The following NEXMIF variants were observed in gnomAD, a reference collection of about 807,000 sequenced individuals.
NEXMIF encodes the protein XLMR protein related to neurite extension.
Under a neutral mutation model 62.1 loss-of-function variants are expected in NEXMIF, and 8 were observed. The ratio of observed to expected loss-of-function variants is 0.13; its 90% CI spans 0.08 to 0.23. The LOEUF (loss-of-function observed/expected upper bound fraction) is 0.23. NEXMIF is among the 10% of genes least tolerant of loss of function. The pLI, the probability that NEXMIF is intolerant of heterozygous loss-of-function variation, is 1.00. For synonymous variants in NEXMIF, 404 were observed against 416.6 expected, an observed-to-expected ratio of 0.97 and a Z score of 0.37; for missense variants, 976 against 1,113.3, an observed-to-expected ratio of 0.88 and a Z score of 1.75.
intron 1 of NEXMIF, among the ~76,000 whole-genome samples, chrX:74,863,721 A>C (rs914281234): frequency 8.9e-6 from 1 of 112,123 alleles, no homozygotes; most frequent in African/African-American, 3.2e-5. Flanking sequence ...AAACTATTCT[A>C]AACAATTGAA....
At position 74,742,424 on chromosome X, in the gene NEXMIF, C is replaced by A. The variant is rs780266055; in HGVS notation, c.2133G>T (p.Gly711=). 8.3e-7 allele frequency: 1 copy of A among 1,209,393 alleles called. No individual in the cohort carries two copies. Among genetic ancestry groups the A allele is most frequent in the Non-Finnish European group, 1.1e-6 (1 of 895,036 alleles). ...KVKAQDTEFK[G]PERKVLNKIK... ...TTTTATTGAGCACTTTCCTCTCTGGCCCCTTAAACTCTGTGTCTTGGGCTT... is the reference window on the plus strand; with the variant it reads ...TTTTATTGAGCACTTTCCTCTCTGGACCCTTAAACTCTGTGTCTTGGGCTT... The change falls in exon 3 of 4, where the codon GGG becomes GGT. Residue 711 remains glycine (G), a synonymous_variant. Coordinates refer to ENST00000055682, the MANE Select transcript of NEXMIF (RefSeq NM_001008537.3).
intron 1 of NEXMIF, among the ~76,000 whole-genome samples, chrX:74,887,106 G>A (rs1434956531): frequency 8.9e-6 from 1 of 112,450 alleles, no homozygotes; most frequent in African/African-American, 3.2e-5. Flanking sequence ...GATGTAGAAA[G>A]CTGAAACTGG....
intron 1 of NEXMIF, among the ~76,000 whole-genome samples, chrX:74,868,411 T>C (rs1020697777): frequency 6.3e-5 from 7 of 111,419 alleles, no homozygotes; most frequent in South Asian, 3.8e-4. Context: ...ATAAAGAAAA[T>C]GTGGTATATA....
chrX:74,854,007 GAACT>G (rs1398770909), intron 1 of NEXMIF, among the ~76,000 whole-genome samples: 1 of 111,712 alleles, frequency 9.0e-6, no homozygotes, highest in Non-Finnish European at 1.9e-5. Flanking sequence ...AATTTAAAAA[GAACT>G]AACATCACTT....
chrX:74,744,473 T>C lies in NEXMIF; in HGVS notation c.84A>G (p.Ser28=). 4 of 1,178,886 alleles carry C rather than the reference T, an allele frequency of 3.4e-6. No homozygotes were observed. In the Admixed American group the frequency reaches 7.4e-5, roughly 22 times the overall value. The part of the protein sequence containing the change: ...TLINGVKEND[S]EDQDVAMKSF... ...ACTTCATTGCCACATCCTGGTCCTC[T>C]GAGTCTAGAAAAAAGGGAAAGAAAT... Residue 28 remains serine, a synonymous_variant, in exon 3 of 4, where the codon TCA becomes TCG. Transcript: ENST00000055682.
At chrX:74,789,907 T>G (rs1248926721) in intron 1 of NEXMIF, among the ~76,000 whole-genome samples, 1 of 107,319 alleles carries the variant, frequency 9.3e-6, no homozygotes, top group Non-Finnish European at 1.9e-5. Context: ...TGCGAAAATT[T>G]TCTCCCATTT....
intron 1 of NEXMIF, among the ~76,000 whole-genome samples, chrX:74,907,334 A>AC (rs56726810): frequency 0.046 from 2,404 of 52,208 alleles, 138 homozygotes; most frequent in African/African-American, 0.12. Context: ...AAGCAAGAGC[A>AC]CCCCCCCCCC....
chrX:74,924,570 T>G (rs1294013338), intron 1 of NEXMIF, among the ~76,000 whole-genome samples: 1 of 113,428 alleles, frequency 8.8e-6, no homozygotes, highest in African/African-American at 3.2e-5. Context: ...CCGAGCTGCG[T>G]GCGTGTAAGC....
At chrX:74,870,949 T>G (rs1459744898) in intron 1 of NEXMIF, among the ~76,000 whole-genome samples, 1 of 111,746 alleles carries the variant, frequency 8.9e-6, no homozygotes, top group Non-Finnish European at 1.9e-5. Flanking sequence ...CCACAAAATC[T>G]AGCAATCCCA....
intron 1 of NEXMIF, among the ~76,000 whole-genome samples, chrX:74,834,895 CTCTA>C (rs1050935132): frequency 4.5e-5 from 5 of 111,601 alleles, no homozygotes; most frequent in African/African-American, 6.5e-5. Context: ...AAATTTCTAC[CTCTA>C]TCTGTTTCTC....
At position 74,880,942 on chromosome X, in the gene NEXMIF, A is replaced by G. The variant is rs183714580; in HGVS notation, c.-48+43941T>C. On this transcript the variant is annotated intron_variant, in intron 1 of 3. Transcript: ENST00000055682. ...ATGACAGTTGGAGAAGAGCCTAAAC[A>G]ACGATCATGAACACTGTCCCTCATC... Among the ~76,000 whole-genome samples the G allele has an allele frequency of 3.2e-3, 358 of 111,118 alleles. 2 individuals carry two copies. The highest frequency in any genetic ancestry group is 0.011 in the African/African-American group (342 of 30,511).
intron 1 of NEXMIF, among the ~76,000 whole-genome samples, chrX:74,833,277 A>G (rs2080444819): frequency 9.0e-6 from 1 of 111,507 alleles, no homozygotes; most frequent in African/African-American, 3.3e-5. Flanking sequence ...TGCTTTATAT[A>G]TGTGTGTTCC....
chrX:74,788,943 T>C (rs1458272418), intron 1 of NEXMIF, among the ~76,000 whole-genome samples: 2 of 110,771 alleles, frequency 1.8e-5, no homozygotes, highest in African/African-American at 3.3e-5. Context: ...AGACATCCCA[T>C]TGATATTCTT....
chrX:74,759,350 T>C (rs1373142627), intron 1 of NEXMIF, among the ~76,000 whole-genome samples: 1 of 112,545 alleles, frequency 8.9e-6, no homozygotes, highest in Non-Finnish European at 1.9e-5. Flanking sequence ...CTGTTCACTC[T>C]GTTGATAGTT....
Position 74,741,075 on chromosome X carries a change from T to G in NEXMIF, c.3482A>C (p.Asp1161Ala). ...QKNPCLSTFN[D>A]PSGQISTNNK... ...GTTGGTACTAATTTGACCAGATGGA[T>G]CATTAAATGTTGACAGGCAAGGGTT... The change falls in exon 3 of 4, where the codon GAT (aspartate) becomes GCT (alanine). Residue 1161 changes from aspartate (D) to alanine (A), a missense_variant. Physicochemically the swap from Asp to Ala is moderately radical, Grantham distance 126 (BLOSUM62 -2). Coordinates refer to ENST00000055682, the MANE Select transcript of NEXMIF (RefSeq NM_001008537.3). 8.3e-7 allele frequency: 1 copy of G among 1,211,653 alleles called. No homozygotes were observed. Among genetic ancestry groups the G allele is most frequent in the Non-Finnish European group, 1.1e-6 (1 of 895,451 alleles).
At chrX:74,865,056 A>G (rs1156311275) in intron 1 of NEXMIF, among the ~76,000 whole-genome samples, 1 of 111,977 alleles carries the variant, frequency 8.9e-6, no homozygotes, top group Non-Finnish European at 1.9e-5. Context: ...ATACAGTCAA[A>G]TGGTACCAGT....
At chrX:74,903,516 C>T (rs1007464113) in intron 1 of NEXMIF, among the ~76,000 whole-genome samples, 13 of 111,118 alleles carry the variant, frequency 1.2e-4, no homozygotes, top group African/African-American at 1.6e-4. Flanking sequence ...ACAACTACTG[C>T]AAATTGGTAT....
chrX:74,772,248 T>G (rs748952403), intron 1 of NEXMIF, among the ~76,000 whole-genome samples: 4 of 112,400 alleles, frequency 3.6e-5, no homozygotes, highest in Non-Finnish European at 7.5e-5. Flanking sequence ...TGAAAAACCT[T>G]GCCTTCTGCC....
intron 1 of NEXMIF, among the ~76,000 whole-genome samples, chrX:74,784,508 C>A (rs1223342419): frequency 1.8e-5 from 2 of 110,906 alleles, no homozygotes; most frequent in Non-Finnish European, 3.8e-5. Context: ...TCTTACTGCA[C>A]TTAATCACAC....
Sources: gnomAD v4.1 joint callset for allele counts (sites outside exome capture counted in the v4.1 genomes callset) on GRCh38, gnomAD v4.1.1 for gene constraint, MANE v1.5 for transcripts, NCBI Gene and HGNC (gene_info 2026-07-23, HGNC 2026-07-21) for gene names.